Variants in EGFR observed in about 807,000 individuals in gnomAD.
The protein encoded by EGFR is epidermal growth factor receptor.
In EGFR, 58 loss-of-function variants were observed where a neutral mutation model predicts 143.0. The observed-to-expected ratio is 0.41, with a 90% confidence interval of 0.33 to 0.50. EGFR has a LOEUF of 0.50. Among genes scored for constraint, EGFR ranks in the 20% least tolerant of loss-of-function variants. EGFR has a pLI of 0.39. For missense variants in EGFR, 1,307 were observed against 1,579.0 expected (o/e 0.83, Z 2.92); for synonymous variants, 613 against 594.4 (o/e 1.03, Z -0.45).
intron 8 of EGFR, 34 bp downstream of exon 8, chr7:55,155,980 T>C (rs1584178506): frequency 6.5e-7 from 1 of 1,531,408 alleles, no homozygotes; most frequent in Non-Finnish European, 9.0e-7. Flanking sequence ...ACGAGGCTTG[T>C]TCTCGGCTGC....
chr7:55,157,191 C>G (rs1240824878), intron 10 of EGFR, among the ~76,000 whole-genome samples: 1 of 152,234 alleles, frequency 6.6e-6, no homozygotes, highest in African/African-American at 2.4e-5. Context: ...TGTGGGGCCA[C>G]GGGCAAGCCT....
chr7:55,202,835 G>A (rs1787913108), intron 27 of EGFR: 2 of 693,282 alleles, frequency 2.9e-6, no homozygotes, highest in Non-Finnish European at 2.6e-6. Context: ...GTTGTTTGCT[G>A]TACCTCTGTT....
chr7:55,158,448 C>G (rs1346385895), intron 11 of EGFR, among the ~76,000 whole-genome samples: 1 of 152,100 alleles, frequency 6.6e-6, no homozygotes, highest in East Asian at 1.9e-4. Flanking sequence ...AATAAGAGTG[C>G]GTGAAATATG....
At chr7:55,202,378 C>T (rs1265335097) in intron 26 of EGFR, 139 bp from the exon 27 acceptor site, 33 of 722,880 alleles carry the variant, frequency 4.6e-5, no homozygotes, top group Middle Eastern at 3.8e-4. Context: ...AGCACCAGCA[C>T]CCACCAGGGT....
At chr7:55,071,226 C>T (rs966355185) in intron 1 of EGFR, among the ~76,000 whole-genome samples, 1 of 152,180 alleles carries the variant, frequency 6.6e-6, no homozygotes, top group African/African-American at 2.4e-5. Context: ...ATTCCCATTC[C>T]ATTAATTGCG....
intron 1 of EGFR, among the ~76,000 whole-genome samples, chr7:55,052,376 G>T (rs1390433110): frequency 1.3e-5 from 2 of 152,236 alleles, no homozygotes; most frequent in Non-Finnish European, 2.9e-5. Context: ...AGCATTGTTT[G>T]TATGCCTCTG....
chr7:55,196,094 C>G (rs930668908), intron 22 of EGFR, among the ~76,000 whole-genome samples: 3 of 151,208 alleles, frequency 2.0e-5, no homozygotes, highest in African/African-American at 7.3e-5. Context: ...ACACTCTTTT[C>G]CACAATAATT....
At chr7:55,141,275 A>T (rs935207592) in intron 1 of EGFR, among the ~76,000 whole-genome samples, 3 of 152,222 alleles carry the variant, frequency 2.0e-5, no homozygotes, top group African/African-American at 7.2e-5. Flanking sequence ...ATGCTTGCCT[A>T]AACATGCCTT....
At chr7:55,045,884 T>C (rs1788152345) in intron 1 of EGFR, among the ~76,000 whole-genome samples, 1 of 152,204 alleles carries the variant, frequency 6.6e-6, no homozygotes, top group African/African-American at 2.4e-5. Context: ...CTAAGATGTG[T>C]TGTGAGTCTC....
At chr7:55,063,611 G>C (rs1283583342) in intron 1 of EGFR, among the ~76,000 whole-genome samples, 1 of 152,196 alleles carries the variant, frequency 6.6e-6, no homozygotes, top group Admixed American at 6.5e-5. Context: ...TTTCTGAGAT[G>C]GGGCCATCTT....
intron 20 of EGFR, among the ~76,000 whole-genome samples, chr7:55,191,327 C>G (rs1215288514): frequency 6.6e-6 from 1 of 152,100 alleles, no homozygotes; most frequent in African/African-American, 2.4e-5. Flanking sequence ...TTCCTTTGCA[C>G]CAGCTTGGTG....
At position 55,067,687 on chromosome 7, in the gene EGFR, A is replaced by G. The variant is rs183773702; in HGVS notation, c.88+48322A>G. 2.0e-3 allele frequency among the ~76,000 whole-genome samples: 310 copies of G among 151,658 alleles called. 2 individuals carry two copies. Among genetic ancestry groups the G allele is most frequent in the Non-Finnish European group, 3.7e-3 (251 of 68,034 alleles). On this transcript the variant is annotated intron_variant, in intron 1 of 27. Coordinates refer to ENST00000275493, the MANE Select transcript of EGFR (RefSeq NM_005228.5). ...TTAAATTTTAAAATATTTAATTGAC[A>G]AATAAAAATTGTGTATATTCAAGGT...
intron 1 of EGFR, among the ~76,000 whole-genome samples, chr7:55,042,406 G>T (rs1209858792): frequency 1.3e-5 from 2 of 152,190 alleles, no homozygotes; most frequent in Non-Finnish European, 2.9e-5. Context: ...GGTGCTAAAT[G>T]AGGAACTACT....
intron 1 of EGFR, among the ~76,000 whole-genome samples, chr7:55,109,037 C>T (rs967934942): frequency 1.3e-5 from 2 of 152,076 alleles, no homozygotes; most frequent in African/African-American, 2.4e-5. Flanking sequence ...TAGAGTGATA[C>T]GCTGGAGGGG....
At position 55,176,896 on chromosome 7, in the gene EGFR, T is replaced by C. The variant is rs191719477; in HGVS notation, c.2283+2076T>C. Among the ~76,000 whole-genome samples the C allele has an allele frequency of 7.1e-4, 105 of 147,292 alleles. 1 individual carries two copies. Among genetic ancestry groups the C allele is most frequent in the African/African-American group, 2.5e-3 (100 of 40,582 alleles). On this transcript the variant is annotated intron_variant, in intron 19 of 27. Coordinates refer to ENST00000275493, the MANE Select transcript of EGFR (RefSeq NM_005228.5). ...TATATTTTATATATATTTAGAGATATATATCTCTAAATATATATCTCTCTC... is the reference window on the plus strand; with the variant it reads ...TATATTTTATATATATTTAGAGATACATATCTCTAAATATATATCTCTCTC...
At position 55,098,009 on chromosome 7, in the gene EGFR, A is replaced by G. The variant is rs138188717; in HGVS notation, c.89-44277A>G. On this transcript the variant is annotated intron_variant, in intron 1 of 27. Transcript: ENST00000275493. ...AGGAAGTTCAAAAAAATTAAAATAT[A>G]ATGAAAAATACTCAAATAGTGCCTC... Among the ~76,000 whole-genome samples the G allele has an allele frequency of 2.0e-3, 307 of 152,310 alleles. 1 individual carries two copies. Among genetic ancestry groups the G allele is most frequent in the African/African-American group, 7.0e-3 (293 of 41,570 alleles).
chr7:55,148,274 AT>A lies in EGFR; in HGVS notation c.559+1543del, dbSNP rs199529652. ...GGGGAGGTTAAACTGTGCACATTTT[AT>A]TTTTTTTTAATGAACCTGGAACGGT... On this transcript the variant is annotated intron_variant, in intron 4 of 27. Transcript: ENST00000275493. 1.1e-4 allele frequency among the ~76,000 whole-genome samples: 17 copies of A among 151,100 alleles called. 1 individual carries two copies. The highest frequency in any genetic ancestry group is 6.8e-3 in the Middle Eastern group (2 of 292).
chr7:55,050,293 T>C (rs1788414664), intron 1 of EGFR, among the ~76,000 whole-genome samples: 1 of 152,214 alleles, frequency 6.6e-6, no homozygotes, highest in South Asian at 2.1e-4. Flanking sequence ...GTTTTCTGTC[T>C]CTGTGAGTTT....
rs2128973187 is a variant in EGFR at position 55,202,621 on chromosome 7, G to A, written c.3267G>A (p.Val1089=). 6.2e-7 allele frequency: 1 copy of A among 1,611,722 alleles called. No individual in the cohort carries two copies. The highest frequency in any genetic ancestry group is 8.5e-7 in the Non-Finnish European group (1 of 1,178,880). The part of the protein sequence containing the change: ...EDSIDDTFLP[V]PEYINQSVPK... ...GCATAGACGACACCTTCCTCCCAGT[G>A]CCTGGTGAGTGGCTTGTCTGGAAAC... The change falls in exon 27 of 28, where the codon GTG becomes GTA. Residue 1089 remains valine, a synonymous_variant. Transcript: ENST00000275493.
Sources: allele counts gnomAD v4.1 joint callset (sites outside exome capture counted in the v4.1 genomes callset), GRCh38; gene constraint gnomAD v4.1.1; transcripts MANE v1.5; gene names NCBI Gene and HGNC (gene_info 2026-07-23, HGNC 2026-07-21).